The following RGS6 variants were observed in gnomAD, a reference collection of about 807,000 sequenced individuals.
The protein encoded by RGS6 is regulator of G protein signaling 6, also known as regulator of G-protein signaling 6.
A neutral mutation model predicts 78.5 loss-of-function variants in RGS6; 30 were observed. That is an observed-to-expected ratio of 0.38 (90% CI 0.29 to 0.52). RGS6 has a LOEUF of 0.52. Among genes scored for constraint, RGS6 ranks in the 20% least tolerant of loss-of-function variants. The probability of loss-of-function intolerance (pLI) is 0.85; values close to 1 mark genes in which losing one functional copy is unlikely to be tolerated. For synonymous variants in RGS6, 206 were observed against 206.0 expected, an observed-to-expected ratio of 1.00 and a Z score of 0.00; for missense variants, 495 against 609.7, an observed-to-expected ratio of 0.81 and a Z score of 1.98.
chr14:72,416,148 A>G (rs1410287404), intron 3 of RGS6, among the ~76,000 whole-genome samples: 1 of 151,070 alleles, frequency 6.6e-6, no homozygotes, highest in African/African-American at 2.4e-5. Context: ...CTGTCTCAAA[A>G]AAAAAAAAAA....
At chr14:72,255,201 T>TG (rs1435191769) in intron 2 of RGS6, among the ~76,000 whole-genome samples, 2 of 152,096 alleles carry the variant, frequency 1.3e-5, no homozygotes, top group African/African-American at 4.8e-5. Flanking sequence ...AAAATGTTCT[T>TG]GGGGCTCTGG....
intron 2 of RGS6, among the ~76,000 whole-genome samples, chr14:72,274,561 G>T (rs1185000062): frequency 1.3e-5 from 2 of 152,232 alleles, no homozygotes; most frequent in East Asian, 3.8e-4. Context: ...CAGAACCTGT[G>T]CATATGTTAC....
intron 2 of RGS6, among the ~76,000 whole-genome samples, chr14:71,977,721 G>C (rs1009017362): frequency 6.6e-6 from 1 of 151,408 alleles, no homozygotes; most frequent in Non-Finnish European, 1.5e-5. Context: ...CGTTCTTTTG[G>C]CTTAGGATTG....
intron 2 of RGS6, among the ~76,000 whole-genome samples, chr14:72,089,782 C>A (rs1223805027): frequency 2.6e-5 from 4 of 152,212 alleles, no homozygotes. Context: ...CCAGCCTCCT[C>A]CCCTGGCCAG....
At chr14:72,210,181 G>A (rs2043742120) in intron 2 of RGS6, among the ~76,000 whole-genome samples, 1 of 152,140 alleles carries the variant, frequency 6.6e-6, no homozygotes, top group South Asian at 2.1e-4. Context: ...GGCCCGTGTG[G>A]GTTGAGGATT....
intron 2 of RGS6, among the ~76,000 whole-genome samples, chr14:72,024,265 T>A (rs1427026234): frequency 6.6e-6 from 1 of 152,230 alleles, no homozygotes; most frequent in Admixed American, 6.5e-5. Context: ...ACCTTGCCCC[T>A]GTGCACACCG....
downstream of RGS6, among the ~76,000 whole-genome samples, chr14:72,568,447 A>T (rs1035722254): frequency 6.6e-5 from 10 of 152,166 alleles, no homozygotes; most frequent in Admixed American, 6.5e-4. Flanking sequence ...CTGGCCCCTG[A>T]GAGCTGCCCT....
chr14:72,451,118 G>A (rs2095482274), intron 3 of RGS6, among the ~76,000 whole-genome samples: 2 of 152,162 alleles, frequency 1.3e-5, no homozygotes, highest in Admixed American at 1.3e-4. Context: ...CATTGCCATG[G>A]CATGGAAGGG....
the RGS6 span, among the ~76,000 whole-genome samples, chr14:72,584,572 G>A: frequency 1.3e-5 from 2 of 152,148 alleles, no homozygotes; most frequent in African/African-American, 4.8e-5. Flanking sequence ...CAGTGAAAAG[G>A]CCCAAGGTGA....
intron 2 of RGS6, among the ~76,000 whole-genome samples, chr14:72,065,861 T>C (rs1182198827): frequency 3.9e-5 from 6 of 152,138 alleles, no homozygotes; most frequent in African/African-American, 9.6e-5. Flanking sequence ...CATGCTGGTG[T>C]GCTGCACCCA....
chr14:72,045,255 A>G (rs1270359237), intron 2 of RGS6, among the ~76,000 whole-genome samples: 1 of 152,180 alleles, frequency 6.6e-6, no homozygotes, highest in Non-Finnish European at 1.5e-5. Flanking sequence ...ATCTGGTTTG[A>G]TTATTACTTT....
At chr14:72,554,807 G>A (rs1013661177) in intron 17 of RGS6, among the ~76,000 whole-genome samples, 6 of 152,246 alleles carry the variant, frequency 3.9e-5, no homozygotes, top group Admixed American at 3.9e-4. Context: ...CAGAGTAGCA[G>A]GGAAAATGGA....
intron 2 of RGS6, among the ~76,000 whole-genome samples, chr14:72,272,419 C>T (rs2060080896): frequency 6.6e-6 from 1 of 152,232 alleles, no homozygotes. Context: ...AGTTGTTGAA[C>T]TGCTCTGGGC....
the RGS6 span, among the ~76,000 whole-genome samples, chr14:71,892,491 A>G: frequency 2.0e-5 from 3 of 152,212 alleles, no homozygotes; most frequent in Non-Finnish European, 4.4e-5. Context: ...GACTGGCAGA[A>G]TGGATGGCAC....
At chr14:72,274,046 G>A (rs180907894) in intron 2 of RGS6, among the ~76,000 whole-genome samples, 1 of 152,256 alleles carries the variant, frequency 6.6e-6, no homozygotes, top group Admixed American at 6.5e-5. Flanking sequence ...TCCAGGCTAG[G>A]ACGGTCCACA....
intron 3 of RGS6, among the ~76,000 whole-genome samples, chr14:72,441,549 G>GC (rs2095201899): frequency 1.3e-5 from 2 of 152,244 alleles, no homozygotes; most frequent in African/African-American, 4.8e-5. Flanking sequence ...CAGGCACTGA[G>GC]CGCCATCCCA....
At chr14:72,398,667 A>C (rs9671740) in intron 3 of RGS6, among the ~76,000 whole-genome samples, 44 of 151,932 alleles carry the variant, frequency 2.9e-4, no homozygotes, top group African/African-American at 3.4e-4. Flanking sequence ...TAGACCTTTC[A>C]TGCTTTCTCT....
chr14:72,001,353 A>T (rs1184029056), intron 2 of RGS6, among the ~76,000 whole-genome samples: 1 of 152,120 alleles, frequency 6.6e-6, no homozygotes, highest in Non-Finnish European at 1.5e-5. Flanking sequence ...GAGAATTGCT[A>T]TGCAATTCTG....
chr14:72,349,358 T>A (rs932342563), intron 2 of RGS6, among the ~76,000 whole-genome samples: 1 of 152,072 alleles, frequency 6.6e-6, no homozygotes, highest in African/African-American at 2.4e-5. Flanking sequence ...AGGGAGTAAC[T>A]ACAGCCATGC....
Sources: gnomAD v4.1 joint callset for allele counts (sites outside exome capture counted in the v4.1 genomes callset) on GRCh38, gnomAD v4.1.1 for gene constraint, MANE v1.5 for transcripts, NCBI Gene and HGNC (gene_info 2026-07-23, HGNC 2026-07-21) for gene names.